PITPNM2: variants seen among roughly 807,000 people sequenced by gnomAD.
PITPNM2 encodes membrane-associated phosphatidylinositol transfer protein 2.
A neutral mutation model predicts 132.2 loss-of-function variants in PITPNM2; 35 were observed. That is an observed-to-expected ratio of 0.26 (90% confidence interval 0.20 to 0.35). The LOEUF (loss-of-function observed/expected upper bound fraction) is 0.35, where lower values mean the gene tolerates loss of function less well. PITPNM2 is among the 10% of genes least tolerant of loss of function. The probability of loss-of-function intolerance (pLI) is 1.00; values close to 1 mark genes in which losing one functional copy is unlikely to be tolerated. For missense variants in PITPNM2, 1,332 were observed against 1,912.0 expected (o/e 0.70, Z 5.66); for synonymous variants, 738 against 799.2 (o/e 0.92, Z 1.29).
rs1345905039 is a variant in PITPNM2, at chr12:122,987,535, A to G, written c.3239T>C (p.Val1080Ala). 6.2e-7 allele frequency: 1 copy of G among 1,613,584 alleles called. No individual in the cohort carries two copies. The highest frequency in any genetic ancestry group is 8.5e-7 in the Non-Finnish European group (1 of 1,179,842). ...CCTGACCACCATCTTGATAGGGTAGACACCCACGCCCAGGCGGTGCGACTC... is the reference window on the plus strand; with the variant it reads ...CCTGACCACCATCTTGATAGGGTAGGCACCCACGCCCAGGCGGTGCGACTC... ...IPESHRLGVGVYPIKMVVRGD... is the reference protein window; with the variant it reads ...IPESHRLGVGAYPIKMVVRGD... Residue 1080 changes from valine to alanine, a missense_variant, in exon 22 of 26, where the codon GTC (valine) becomes GCC (alanine). This residue lies in a region of PITPNM2 where 251 missense variants were observed against 472.0 expected (regional missense o/e 0.53). Coordinates refer to ENST00000320201, the MANE Select transcript of PITPNM2 (RefSeq NM_020845.3).
chr12:123,068,179 C>CGGGCACGGCT (rs1200249160), intron 2 of PITPNM2, among the ~76,000 whole-genome samples: 1 of 72,810 alleles, frequency 1.4e-5, no homozygotes, highest in Non-Finnish European at 2.7e-5. Flanking sequence ...TAAAAATCCA[C>CGGGCACGGCT]GGGCACGGCC....
In PITPNM2 at chr12:123,014,007, G is replaced by A. The variant is rs750892003; in HGVS notation, c.114C>T (p.Ser38=). Residue 38 remains serine (S), a synonymous_variant, in exon 4 of 26, where the codon AGC becomes AGT. Transcript: ENST00000320201. ...GCCGGTTCTCCAGGATCTCCACGCC[G>A]CTGCCTTCGCCATATGTCTCGTTAC... is the stretch of plus-strand genomic sequence containing the variant. ...KSRNETYGEG[S]GVEILENRPY... 29 of 1,614,218 alleles carry A rather than the reference G, an allele frequency of 1.8e-5. No homozygotes were observed. Among genetic ancestry groups the A allele is most frequent in the East Asian group, 2.2e-5 (1 of 44,882 alleles).
chr12:123,049,458 G>A (rs1227435320), intron 2 of PITPNM2, among the ~76,000 whole-genome samples: 1 of 152,162 alleles, frequency 6.6e-6, no homozygotes. Context: ...CAGCCACATG[G>A]CTGCTTGCTT....
chr12:123,119,604 C>T (rs534541238), intron 1 of PITPNM2, among the ~76,000 whole-genome samples: 3 of 151,876 alleles, frequency 2.0e-5, no homozygotes, highest in Non-Finnish European at 4.4e-5. Flanking sequence ...GTGATCCGCC[C>T]GCCTCGGCCT....
chr12:123,127,964 TAA>T (rs2043182573), intron 1 of PITPNM2, among the ~76,000 whole-genome samples: 1 of 152,072 alleles, frequency 6.6e-6, no homozygotes, highest in East Asian at 1.9e-4. Flanking sequence ...AGAACAGTAC[TAA>T]AGAGAGAGAA....
chr12:123,029,932 A>G (rs1335498254), intron 3 of PITPNM2, among the ~76,000 whole-genome samples: 1 of 147,688 alleles, frequency 6.8e-6, no homozygotes, highest in Non-Finnish European at 1.5e-5. Flanking sequence ...AACTGGGAAA[A>G]CAGACCCACA....
Position 123,042,270 on chromosome 12 carries a change from G to T in PITPNM2, c.-95-7585C>A, listed in dbSNP as rs112988131. 7.3e-4 allele frequency among the ~76,000 whole-genome samples: 111 copies of T among 152,264 alleles called. 2 individuals are homozygous for T. Among genetic ancestry groups the T allele is most frequent in the African/African-American group, 2.6e-3 (108 of 41,552 alleles). On this transcript the variant is annotated intron_variant, in intron 2 of 25. Transcript: ENST00000320201. ...AGAGCTTCAGATTCATGAGGCAGGG[G>T]TGGCCAGGCTGGAGGCATGTGATGA...
At chr12:123,094,763 G>T (rs116247313) in intron 2 of PITPNM2, among the ~76,000 whole-genome samples, 275 of 152,314 alleles carry the variant, frequency 1.8e-3, no homozygotes, top group African/African-American at 6.1e-3. Flanking sequence ...GGGGCCGAGG[G>T]CAGGGAAGGC....
chr12:123,074,022 C>T (rs1352337121), intron 2 of PITPNM2, among the ~76,000 whole-genome samples: 3 of 152,170 alleles, frequency 2.0e-5, no homozygotes, highest in Non-Finnish European at 4.4e-5. Flanking sequence ...GCCAAGAGCC[C>T]AGCAGCCATG....
At chr12:123,002,312 G>A (rs1236499700) in intron 8 of PITPNM2, among the ~76,000 whole-genome samples, 6 of 151,980 alleles carry the variant, frequency 3.9e-5, no homozygotes, top group Non-Finnish European at 7.4e-5. Flanking sequence ...GTTCAGCCTG[G>A]GCAACAGAGT....
chr12:123,011,701 C>A (rs61592192), intron 5 of PITPNM2, among the ~76,000 whole-genome samples: 1 of 152,032 alleles, frequency 6.6e-6, no homozygotes, highest in Non-Finnish European at 1.5e-5. Context: ...ATGTGACGAA[C>A]GAGGCAGAGA....
chr12:123,054,551 T>C (rs1453102006), intron 2 of PITPNM2, among the ~76,000 whole-genome samples: 1 of 152,252 alleles, frequency 6.6e-6, no homozygotes, highest in Non-Finnish European at 1.5e-5. Flanking sequence ...CTGTGTCCTC[T>C]TCCATGCAGT....
chr12:123,076,270 A>G (rs759061898), intron 2 of PITPNM2, among the ~76,000 whole-genome samples: 2 of 152,186 alleles, frequency 1.3e-5, no homozygotes, highest in Non-Finnish European at 2.9e-5. Flanking sequence ...AACAGCACAG[A>G]CCTGTGCAGA....
chr12:123,151,149 C>T (rs1475079199), upstream of PITPNM2, among the ~76,000 whole-genome samples: 2 of 146,482 alleles, frequency 1.4e-5, no homozygotes, highest in Non-Finnish European at 3.0e-5. Context: ...CTCCTCAGGC[C>T]GCGCGGGGGA....
Position 123,111,698 on chromosome 12 carries a change from T to A in PITPNM2, c.-199-1210A>T, listed in dbSNP as rs1396634315. ...CTGTGGGACTGAGGCTCCATCGCTG[T>A]CCTGCCCCAGCCCCTTGTCTCCACG... On this transcript the variant is annotated intron_variant, in intron 1 of 25. Transcript: ENST00000320201. This position sits in a 1 kb window ranked among gnomAD's most constrained non-coding sequence, Gnocchi z 4.1. 6.6e-6 allele frequency among the ~76,000 whole-genome samples: 1 copy of A among 152,170 alleles called. No homozygotes were observed. The highest frequency in any genetic ancestry group is 1.9e-4 in the East Asian group (1 of 5,200).
intron 8 of PITPNM2, among the ~76,000 whole-genome samples, chr12:123,003,120 T>A (rs989275806): frequency 1.3e-5 from 2 of 152,128 alleles, no homozygotes; most frequent in African/African-American, 4.8e-5. Flanking sequence ...TAATTTCATA[T>A]CCTCTAACAG....
intron 8 of PITPNM2, among the ~76,000 whole-genome samples, chr12:123,001,395 T>G (rs2038670524): frequency 6.6e-6 from 1 of 152,254 alleles, no homozygotes; most frequent in Non-Finnish European, 1.5e-5. Context: ...CCTGCAACCA[T>G]CACCACTATC....
At chr12:123,086,444 T>C (rs1593003247) in intron 2 of PITPNM2, among the ~76,000 whole-genome samples, 1 of 152,114 alleles carries the variant, frequency 6.6e-6, no homozygotes, top group African/African-American at 2.4e-5. Flanking sequence ...CAAAGGTCGG[T>C]AAATGGTAAT....
At chr12:122,988,035 G>T in intron 20 of PITPNM2, 134 bp from the exon 21 acceptor site, 1 of 948,728 alleles carries the variant, frequency 1.1e-6, no homozygotes, top group Non-Finnish European at 1.6e-6. Context: ...GTCTGGATCA[G>T]ACACGATGAC....
Sources: gnomAD v4.1 joint callset for allele counts (sites outside exome capture counted in the v4.1 genomes callset) on GRCh38, gnomAD v4.1.1 for gene constraint, gnomAD v4.1.1 regional missense constraint, Gnocchi (gnomAD v3.1) non-coding constraint, MANE v1.5 for transcripts, NCBI Gene and HGNC (gene_info 2026-07-23, HGNC 2026-07-21) for gene names.